Variants in FAM107B observed in about 807,000 individuals in gnomAD.
FAM107B encodes protein FAM107B.
In FAM107B, 21 loss-of-function variants were observed where a neutral mutation model predicts 31.5. The ratio of observed to expected loss-of-function variants is 0.67; its 90% confidence interval spans 0.47 to 0.96. FAM107B has a LOEUF of 0.96. Among genes scored for constraint, FAM107B ranks in the 40% least tolerant of loss-of-function variants. FAM107B has a pLI of 0.00. For synonymous variants in FAM107B, 157 were observed against 141.5 expected, an observed-to-expected ratio of 1.11 and a Z score of -0.78; for missense variants, 452 against 377.1, an observed-to-expected ratio of 1.20 and a Z score of -1.64.
At chr10:14,543,486 A>G (rs529373606) in intron 2 of FAM107B, among the ~76,000 whole-genome samples, 49 of 152,060 alleles carry the variant, frequency 3.2e-4, no homozygotes, top group Middle Eastern at 6.8e-3. Context: ...GTGACTCAGG[A>G]GCAGTGCAGG....
At chr10:14,536,457 G>A (rs1032952940) in intron 2 of FAM107B, among the ~76,000 whole-genome samples, 2 of 152,144 alleles carry the variant, frequency 1.3e-5, no homozygotes, top group African/African-American at 2.4e-5. Context: ...AGGTGGAGGC[G>A]GCAAACTCCA....
At chr10:14,708,104 G>T (rs1855561723) in intron 1 of FAM107B, among the ~76,000 whole-genome samples, 2 of 151,286 alleles carry the variant, frequency 1.3e-5, no homozygotes, top group South Asian at 2.1e-4. Context: ...TTAAGATAGG[G>T]TCTCACTCTG....
chr10:14,619,455 T>C (rs1236596828), intron 2 of FAM107B, among the ~76,000 whole-genome samples: 1 of 152,224 alleles, frequency 6.6e-6, no homozygotes, highest in African/African-American at 2.4e-5. Flanking sequence ...CCTTTTCATG[T>C]GCTATTTGTC....
intron 1 of FAM107B, among the ~76,000 whole-genome samples, chr10:14,772,482 T>C (rs956506786): frequency 3.9e-5 from 6 of 152,048 alleles, no homozygotes; most frequent in African/African-American, 1.5e-4. Context: ...CTCTCGGTGT[T>C]TGAACTAGAA....
intron 1 of FAM107B, among the ~76,000 whole-genome samples, chr10:14,686,729 C>A (rs574639821): frequency 1.3e-5 from 2 of 152,310 alleles, no homozygotes; most frequent in African/African-American, 4.8e-5. Flanking sequence ...AAGCACTATG[C>A]ACAAGGTGCC....
At chr10:14,712,803 T>C (rs1456284539) in intron 1 of FAM107B, among the ~76,000 whole-genome samples, 1 of 152,192 alleles carries the variant, frequency 6.6e-6, no homozygotes, top group Non-Finnish European at 1.5e-5. Flanking sequence ...AAATTTCCTT[T>C]TCTTGGAACT....
At chr10:14,767,251 C>T (rs1177085890) in intron 1 of FAM107B, among the ~76,000 whole-genome samples, 1 of 150,144 alleles carries the variant, frequency 6.7e-6, no homozygotes, top group East Asian at 2.0e-4. Flanking sequence ...TCTACCACAC[C>T]CAGCTAATTT....
rs184890920 is a variant in FAM107B, at chr10:14,762,150, G to C, written c.411+12103C>G. 1.9e-4 allele frequency among the ~76,000 whole-genome samples: 28 copies of C among 151,070 alleles called. 1 individual carries two copies. Among genetic ancestry groups the C allele is most frequent in the Admixed American group, 1.6e-3 (25 of 15,234 alleles). On this transcript the variant is annotated intron_variant, in intron 1 of 4. Transcript: ENST00000181796. ...TTCTGCCGCCATCCCTAGATTGTTTGTTTTTCTTTGCAGGCTCCTGCTCTC... is the reference window on the plus strand; with the variant it reads ...TTCTGCCGCCATCCCTAGATTGTTTCTTTTTCTTTGCAGGCTCCTGCTCTC...
intron 2 of FAM107B, among the ~76,000 whole-genome samples, chr10:14,639,035 T>A (rs1853568855): frequency 6.6e-6 from 1 of 151,710 alleles, no homozygotes; most frequent in African/African-American, 2.4e-5. Context: ...TATAAAAAAT[T>A]AAAAAATTTG....
intron 2 of FAM107B, among the ~76,000 whole-genome samples, chr10:14,567,199 G>A (rs1850747181): frequency 1.3e-5 from 2 of 152,122 alleles, no homozygotes; most frequent in Non-Finnish European, 2.9e-5. Flanking sequence ...GGAGGTGGGA[G>A]AGAATGGTGG....
intron 2 of FAM107B, among the ~76,000 whole-genome samples, chr10:14,558,694 G>C (rs1441300874): frequency 2.0e-5 from 3 of 152,116 alleles, no homozygotes; most frequent in Non-Finnish European, 4.4e-5. Context: ...AACTGGGGTT[G>C]GGTGGGGAGT....
Position 14,565,753 on chromosome 10 carries a change from G to C in FAM107B, c.470-35238C>G, listed in dbSNP as rs537618434. On this transcript the variant is annotated intron_variant, in intron 2 of 4. Coordinates refer to ENST00000181796, the MANE Select transcript of FAM107B (RefSeq NM_031453.4). ...TCCTCAAAATACCCAAATACAAAGG[G>C]GTGGGGAGAGGAAGGGGAGGCTGCA... Among the ~76,000 whole-genome samples, 3 of 152,302 alleles carry C rather than the reference G, an allele frequency of 2.0e-5. No homozygotes were observed. In the South Asian group the frequency reaches 6.2e-4, roughly 32 times the overall value.
In FAM107B at chr10:14,600,443, T is replaced by C. The variant is rs371291736; in HGVS notation, c.469+67191A>G. 3.2e-4 allele frequency among the ~76,000 whole-genome samples: 49 copies of C among 151,946 alleles called. No homozygotes were observed. The South Asian group carries it at 0.01, about 32-fold the overall frequency. On this transcript the variant is annotated intron_variant, in intron 2 of 4. Transcript: ENST00000181796. Reference sequence around the variant, plus strand: ...TCTGAACTGATGGGCGCTAGGCAAATCCCTATGCAGCTCCATGGCCCGCCG... The same window carrying C: ...TCTGAACTGATGGGCGCTAGGCAAACCCCTATGCAGCTCCATGGCCCGCCG...
At chr10:14,573,559 C>A (rs1851360760) in intron 2 of FAM107B, among the ~76,000 whole-genome samples, 1 of 133,694 alleles carries the variant, frequency 7.5e-6, no homozygotes, top group Admixed American at 8.0e-5. Flanking sequence ...GGTGAAACCC[C>A]ATCTCTATTA....
At chr10:14,610,379 T>G (rs1290103636) in intron 2 of FAM107B, among the ~76,000 whole-genome samples, 1 of 152,184 alleles carries the variant, frequency 6.6e-6, no homozygotes, top group Admixed American at 6.5e-5. Flanking sequence ...ATCCTAATTT[T>G]ATCATTTAAA....
At chr10:14,646,525 C>T (rs1165773897) in intron 2 of FAM107B, among the ~76,000 whole-genome samples, 1 of 152,134 alleles carries the variant, frequency 6.6e-6, no homozygotes, top group African/African-American at 2.4e-5. Flanking sequence ...ATAGCTGAGG[C>T]GTATTCCATA....
intron 1 of FAM107B, among the ~76,000 whole-genome samples, chr10:14,672,842 C>T (rs1854593297): frequency 1.3e-5 from 2 of 152,224 alleles, no homozygotes; most frequent in African/African-American, 4.8e-5. Context: ...CAAATACATT[C>T]ACCAATGTAC....
At chr10:14,545,229 T>C (rs1848585894) in intron 2 of FAM107B, among the ~76,000 whole-genome samples, 1 of 152,158 alleles carries the variant, frequency 6.6e-6, no homozygotes, top group Non-Finnish European at 1.5e-5. Context: ...GTCCATGCTC[T>C]GAGCCACTTT....
At chr10:14,759,697 G>A (rs1833004162) in intron 1 of FAM107B, among the ~76,000 whole-genome samples, 1 of 152,038 alleles carries the variant, frequency 6.6e-6, no homozygotes, top group Non-Finnish European at 1.5e-5. Flanking sequence ...AGGTGTTTAT[G>A]GTATAGAGCC....
Sources: allele counts gnomAD v4.1 joint callset (sites outside exome capture counted in the v4.1 genomes callset), GRCh38; gene constraint gnomAD v4.1.1; transcripts MANE v1.5; gene names NCBI Gene and HGNC (gene_info 2026-07-23, HGNC 2026-07-21).